Variants in ZSWIM3 observed in about 807,000 individuals in gnomAD.
The protein encoded by ZSWIM3 is zinc finger SWIM-type containing 3.
A neutral mutation model predicts 47.5 loss-of-function variants in ZSWIM3; 27 were observed. The ratio of observed to expected loss-of-function variants is 0.57; its 90% CI spans 0.42 to 0.78. ZSWIM3 has a LOEUF of 0.78. Among genes scored for constraint, ZSWIM3 ranks in the 30% least tolerant of loss-of-function variants. The pLI, the probability that ZSWIM3 is intolerant of heterozygous loss-of-function variation, is 0.00. For missense variants in ZSWIM3, 689 were observed against 861.3 expected (o/e 0.80, Z 2.50); for synonymous variants, 333 against 333.9 (o/e 1.00, Z 0.03).
chr20:45,874,415 G>A (rs890305557), intron 1 of ZSWIM3, among the ~76,000 whole-genome samples: 9 of 152,194 alleles, frequency 5.9e-5, no homozygotes, highest in Admixed American at 6.5e-5. Context: ...GAGAGGCTGA[G>A]GCAGGAGAAT....
chr20:45,862,273 A>G (rs1447159534), intron 1 of ZSWIM3, among the ~76,000 whole-genome samples: 3 of 148,294 alleles, frequency 2.0e-5, no homozygotes, highest in East Asian at 4.1e-4. Flanking sequence ...TCAGCCTCCC[A>G]AGTAGCTGAG....
At chr20:45,868,631 C>G (rs1985898848) in intron 1 of ZSWIM3, among the ~76,000 whole-genome samples, 1 of 151,736 alleles carries the variant, frequency 6.6e-6, no homozygotes, top group African/African-American at 2.4e-5. Context: ...GATCCACTCG[C>G]CTCGGTCTCC....
At chr20:45,859,446 GT>G (rs1985648210) in intron 1 of ZSWIM3, among the ~76,000 whole-genome samples, 1 of 146,074 alleles carries the variant, frequency 6.8e-6, no homozygotes, top group South Asian at 2.1e-4. Flanking sequence ...AAAAAGAAAT[GT>G]ACGGAGAAAG....
At chr20:45,872,809 C>A (rs1267856191) in intron 1 of ZSWIM3, 1 of 1,288,924 alleles carries the variant, frequency 7.8e-7, no homozygotes, top group Non-Finnish European at 1.0e-6. Context: ...ACCACCCCCG[C>A]ACTGTGCACA....
intron 1 of ZSWIM3, among the ~76,000 whole-genome samples, chr20:45,874,840 C>T (rs1986052129): frequency 6.6e-6 from 1 of 151,784 alleles, no homozygotes; most frequent in South Asian, 2.1e-4. Context: ...CTTAGAAGTG[C>T]GGTAGAGGAA....
At chr20:45,865,419 C>T (rs939921513) in intron 1 of ZSWIM3, among the ~76,000 whole-genome samples, 1 of 151,808 alleles carries the variant, frequency 6.6e-6, no homozygotes, top group Non-Finnish European at 1.5e-5. Context: ...ACCCGGGAGG[C>T]GGAGCTTGCA....
At position 45,876,856 on chromosome 20, in the gene ZSWIM3, CACAT is replaced by C; in HGVS notation, c.303_306del (p.Ile101MetfsTer51). On this transcript the variant is annotated frameshift_variant, in exon 2 of 2. Coordinates refer to ENST00000255152, the MANE Select transcript of ZSWIM3 (RefSeq NM_080752.4). LOFTEE classifies it high-confidence loss of function. The stretch of plus-strand genomic sequence containing the variant: ...ATTTATCAGTGAACTAAACACACAG[CACAT>C]ACATGGTGACTCTAAAGTGGCTAGT... 1 of 1,614,142 alleles carries C rather than the reference CACAT, an allele frequency of 6.2e-7. No individual in the cohort carries two copies. Among genetic ancestry groups the C allele is most frequent in the South Asian group, 1.1e-5 (1 of 91,070 alleles).
intron 1 of ZSWIM3, among the ~76,000 whole-genome samples, chr20:45,864,414 G>GT (rs1283382998): frequency 6.6e-6 from 1 of 152,078 alleles, no homozygotes. Flanking sequence ...CTGGAGGGTT[G>GT]GTGGGGGAAA....
At chr20:45,871,805 G>A (rs1209629669) in intron 1 of ZSWIM3, among the ~76,000 whole-genome samples, 1 of 149,892 alleles carries the variant, frequency 6.7e-6, no homozygotes, top group Non-Finnish European at 1.5e-5. Flanking sequence ...AGGTTGCAGT[G>A]AGTCAAGATC....
rs188654922 is a variant in ZSWIM3 at position 45,868,066 on chromosome 20, C to T, written c.156-8648C>T. On this transcript the variant is annotated intron_variant, in intron 1 of 1. Coordinates refer to ENST00000255152, the MANE Select transcript of ZSWIM3 (RefSeq NM_080752.4). ...CATCCCTCTGCTTATCCCTGCCAGT[C>T]CCATTAACATGTTTGGTAGTCAATT... Among the ~76,000 whole-genome samples, 23 of 152,316 alleles carry T rather than the reference C, an allele frequency of 1.5e-4. No homozygotes were observed. The East Asian group carries it at 3.7e-3, about 24-fold the overall frequency.
intron 1 of ZSWIM3, chr20:45,872,931 A>G: frequency 8.7e-7 from 1 of 1,149,908 alleles, no homozygotes; most frequent in Non-Finnish European, 1.1e-6. Context: ...GACCAGCTGG[A>G]TTAGAGTATT....
At chr20:45,866,799 A>G (rs1479351704) in intron 1 of ZSWIM3, among the ~76,000 whole-genome samples, 1 of 144,096 alleles carries the variant, frequency 6.9e-6, no homozygotes, top group Admixed American at 7.0e-5. Flanking sequence ...CCCTGTCTCA[A>G]AAAAAGAGAG....
At chr20:45,871,348 T>C (rs1439016380) in intron 1 of ZSWIM3, among the ~76,000 whole-genome samples, 1 of 152,158 alleles carries the variant, frequency 6.6e-6, no homozygotes, top group Non-Finnish European at 1.5e-5. Flanking sequence ...CTACTGTAAC[T>C]ATAGAGGTAA....
In ZSWIM3 at chr20:45,857,751, G is replaced by C. The variant is rs1985564811; in HGVS notation, c.-75G>C. The C allele has an allele frequency of 3.9e-6, 6 of 1,555,704 alleles. No individual in the cohort carries two copies. The highest frequency in any genetic ancestry group is 5.2e-6 in the Non-Finnish European group (6 of 1,144,168). On this transcript the variant is annotated 5_prime_UTR_variant, in exon 1 of 2. Transcript: ENST00000255152. The stretch of plus-strand genomic sequence containing the variant: ...CCACGCCTGCCTATAAACCCTCATA[G>C]TGTGACCTTTGACCCCTGGTGTGAT...
In ZSWIM3 at chr20:45,878,249, T is replaced by C. The variant is rs374425711; in HGVS notation, c.1691T>C (p.Ile564Thr). Residue 564 changes from isoleucine (I) to threonine (T), a missense_variant, in exon 2 of 2, where the codon ATT becomes ACT. Ile to Thr is a moderately conservative substitution (Grantham distance 89). Coordinates refer to ENST00000255152, the MANE Select transcript of ZSWIM3 (RefSeq NM_080752.4). The stretch of plus-strand genomic sequence containing the variant: ...TGGTACCACCTGCCATGCCGACACA[T>C]TTTGGCTCTGCTGCACACCAGCCAG... ...QQWYHLPCRHILALLHTSQQP... is the reference protein window; with the variant it reads ...QQWYHLPCRHTLALLHTSQQP... The C allele has an allele frequency of 6.2e-7, 1 of 1,614,168 alleles. No individual in the cohort carries two copies. The highest frequency in any genetic ancestry group is 8.5e-7 in the Non-Finnish European group (1 of 1,180,022).
chr20:45,860,510 CAAAAA>C (rs59152975), intron 1 of ZSWIM3, among the ~76,000 whole-genome samples: 4 of 102,630 alleles, frequency 3.9e-5, no homozygotes, highest in African/African-American at 1.1e-4. Context: ...GACTCCATCT[CAAAAA>C]AAAAAAAAAA....
chr20:45,876,699 C>T lies in ZSWIM3; in HGVS notation c.156-15C>T, dbSNP rs575740624. On this transcript the variant is annotated splice_polypyrimidine_tract_variant and intron_variant, in intron 1 of 1. Transcript: ENST00000255152. ...TGGTCAGCACCTTTCTCATTGTTAC[C>T]TCTACCTTCCCTAGGTATGTGCAGG... is the stretch of plus-strand genomic sequence containing the variant. 10 of 1,601,060 alleles carry T rather than the reference C, an allele frequency of 6.2e-6. No homozygotes were observed. The highest frequency in any genetic ancestry group is 2.3e-5 in the South Asian group (2 of 88,582).
chr20:45,874,707 T>A (rs116362454), intron 1 of ZSWIM3, among the ~76,000 whole-genome samples: 257 of 152,194 alleles, frequency 1.7e-3, no homozygotes, highest in African/African-American at 5.7e-3. Flanking sequence ...AATGGGGACA[T>A]TTTAAACGGG....
At chr20:45,868,167 A>G (rs1037335607) in intron 1 of ZSWIM3, among the ~76,000 whole-genome samples, 2 of 152,208 alleles carry the variant, frequency 1.3e-5, no homozygotes, top group Admixed American at 6.5e-5. Flanking sequence ...CTGAAATGGC[A>G]CATCTCCCAA....
Sources: gnomAD v4.1 joint callset for allele counts (sites outside exome capture counted in the v4.1 genomes callset) on GRCh38, gnomAD v4.1.1 for gene constraint, MANE v1.5 for transcripts, NCBI Gene and HGNC (gene_info 2026-07-23, HGNC 2026-07-21) for gene names.